Variants in SLC25A31 observed in about 807,000 individuals in gnomAD.
SLC25A31 encodes solute carrier family 25 member 31.
In SLC25A31, 40 loss-of-function variants were observed where a neutral mutation model predicts 36.2. That is an observed-to-expected ratio of 1.10 (90% CI 0.86 to 1.44). The LOEUF is 1.44. Among genes scored for constraint, SLC25A31 ranks in the 40% most tolerant of loss-of-function variants. SLC25A31 has a pLI of 0.00. For synonymous variants in SLC25A31, 143 were observed against 149.7 expected (o/e 0.96, Z 0.32); for missense variants, 350 against 397.1 (o/e 0.88, Z 1.01).
At chr4:127,757,219 C>G (rs1732047588) in intron 2 of SLC25A31, among the ~76,000 whole-genome samples, 1 of 152,184 alleles carries the variant, frequency 6.6e-6, no homozygotes, top group Non-Finnish European at 1.5e-5. Context: ...GTTTGGGCAT[C>G]TGTTGAACCC....
At position 127,730,499 on chromosome 4, in the gene SLC25A31, G is replaced by T. The variant is rs149482591; in HGVS notation, c.-47G>T. On this transcript the variant is annotated 5_prime_UTR_variant, in exon 1 of 6. Coordinates refer to ENST00000281154, the MANE Select transcript of SLC25A31 (RefSeq NM_031291.4). ...TCCGCTTCCCTTCATCGTAGCTCCC[G>T]TACTCATTTTTAGCCACTGCTGCCG... The T allele has an allele frequency of 8.2e-6, 13 of 1,579,592 alleles. No individual in the cohort carries two copies. In the East Asian group the frequency reaches 2.5e-4, roughly 30 times the overall value.
At chr4:127,731,686 A>C (rs1278436001) in intron 1 of SLC25A31, among the ~76,000 whole-genome samples, 4 of 152,194 alleles carry the variant, frequency 2.6e-5, no homozygotes, top group Non-Finnish European at 1.5e-5. Flanking sequence ...CCCTGTCTCA[A>C]AAAAACAAAC....
intron 4 of SLC25A31, among the ~76,000 whole-genome samples, 185 bp downstream of exon 4, chr4:127,767,405 G>C (rs1292449593): frequency 6.6e-6 from 1 of 152,124 alleles, no homozygotes; most frequent in Non-Finnish European, 1.5e-5. Context: ...ACTGCAGTAT[G>C]GATCTGACTT....
chr4:127,765,187 C>T (rs1238697633), intron 3 of SLC25A31, among the ~76,000 whole-genome samples: 1 of 152,152 alleles, frequency 6.6e-6, no homozygotes, highest in African/African-American at 2.4e-5. Context: ...TTTGGCTGCT[C>T]AGGGTGAGGT....
intron 1 of SLC25A31, among the ~76,000 whole-genome samples, chr4:127,743,358 G>C (rs1731767608): frequency 6.6e-6 from 1 of 151,986 alleles, no homozygotes; most frequent in Admixed American, 6.6e-5. Context: ...CTGGTCTTGA[G>C]TTCTTGAGCT....
In SLC25A31 at chr4:127,769,693, A is replaced by G. The variant is rs368919281; in HGVS notation, c.759+816A>G. Among the ~76,000 whole-genome samples the G allele has an allele frequency of 6.6e-5, 10 of 152,220 alleles. No homozygotes were observed. The East Asian group carries it at 9.6e-4, about 15-fold the overall frequency. On this transcript the variant is annotated intron_variant, in intron 5 of 5. Coordinates refer to ENST00000281154, the MANE Select transcript of SLC25A31 (RefSeq NM_031291.4). The stretch of plus-strand genomic sequence containing the variant: ...AGTCTAATATTGAAGACAGCAGTTA[A>G]TGGTTTAAATACAAATGTGTGTAGG...
Position 127,773,621 on chromosome 4 carries a change from A to G in SLC25A31, c.*47A>G. On this transcript the variant is annotated 3_prime_UTR_variant, in exon 6 of 6. Coordinates refer to ENST00000281154, the MANE Select transcript of SLC25A31 (RefSeq NM_031291.4). ...TACATGGATTTAACTTGTTAAACAT[A>G]CAAATTACATAGCTGCCATTTGCAT... 1 of 1,420,684 alleles carries G rather than the reference A, an allele frequency of 7.0e-7. No homozygotes were observed. Among genetic ancestry groups the G allele is most frequent in the Non-Finnish European group, 9.4e-7 (1 of 1,062,088 alleles). 88.0% of individuals were successfully genotyped at this position (1,420,684 alleles called of 1,614,324 possible). A position where few individuals can be genotyped will look rare whatever the true frequency, so the allele number is the denominator to read the frequency against.
At chr4:127,760,765 C>T (rs1221540931) in intron 2 of SLC25A31, among the ~76,000 whole-genome samples, 1 of 152,182 alleles carries the variant, frequency 6.6e-6, no homozygotes, top group Non-Finnish European at 1.5e-5. Context: ...GTAGGCCAGG[C>T]ATGGTGGCTC....
At chr4:127,732,692 C>T (rs1372167704) in intron 1 of SLC25A31, among the ~76,000 whole-genome samples, 3 of 152,068 alleles carry the variant, frequency 2.0e-5, no homozygotes, top group Non-Finnish European at 1.5e-5. Flanking sequence ...TATCCTGGTC[C>T]TTGCTTTAAG....
intron 2 of SLC25A31, among the ~76,000 whole-genome samples, chr4:127,757,597 T>C (rs756445210): frequency 6.6e-6 from 1 of 152,210 alleles, no homozygotes; most frequent in Admixed American, 6.5e-5. Context: ...AAGATAAACA[T>C]ACAAGTTCAG....
intron 1 of SLC25A31, 37 bp downstream of exon 1, chr4:127,730,814 G>C: frequency 6.4e-7 from 1 of 1,567,806 alleles, no homozygotes; most frequent in Non-Finnish European, 8.7e-7. Context: ...GCCTCTCCCG[G>C]CGCCCTCGTC....
At chr4:127,770,094 G>A (rs1483759363) in intron 5 of SLC25A31, among the ~76,000 whole-genome samples, 1 of 152,144 alleles carries the variant, frequency 6.6e-6, no homozygotes, top group African/African-American at 2.4e-5. Context: ...TAGGCAATCT[G>A]GCAGATTAAA....
intron 2 of SLC25A31, among the ~76,000 whole-genome samples, chr4:127,753,235 A>G (rs920342049): frequency 6.6e-6 from 1 of 152,162 alleles, no homozygotes; most frequent in Non-Finnish European, 1.5e-5. Flanking sequence ...ATAGCAACAG[A>G]AGAAAGACCT....
At chr4:127,753,553 T>G (rs1252673248) in intron 2 of SLC25A31, among the ~76,000 whole-genome samples, 3 of 152,100 alleles carry the variant, frequency 2.0e-5, no homozygotes, top group African/African-American at 7.2e-5. Context: ...TTATGAAAAT[T>G]TATATGCCAA....
intron 2 of SLC25A31, among the ~76,000 whole-genome samples, chr4:127,761,010 ATAT>A: frequency 6.6e-6 from 1 of 152,122 alleles, no homozygotes; most frequent in African/African-American, 2.4e-5. Context: ...ACTTATACTT[ATAT>A]ACATACTACC....
At position 127,744,657 on chromosome 4, in the gene SLC25A31, T is replaced by A. The variant is rs563493435; in HGVS notation, c.233-15T>A. On this transcript the variant is annotated splice_polypyrimidine_tract_variant and intron_variant, in intron 1 of 5. Coordinates refer to ENST00000281154, the MANE Select transcript of SLC25A31 (RefSeq NM_031291.4). The stretch of plus-strand genomic sequence containing the variant: ...TACAATGTAGGTTTATGTATTTATA[T>A]GTTTCCCTCTGTAGGTTTCTTCAGT... The A allele has an allele frequency of 4.6e-5, 73 of 1,581,842 alleles. No homozygotes were observed. In the South Asian group the frequency reaches 7.7e-4, roughly 17 times the overall value.
chr4:127,756,238 A>G (rs1409701420), intron 2 of SLC25A31, among the ~76,000 whole-genome samples: 1 of 152,222 alleles, frequency 6.6e-6, no homozygotes, highest in East Asian at 1.9e-4. Flanking sequence ...GTGTGTATTC[A>G]GTGGAATATT....
chr4:127,754,255 C>T (rs1731989299), intron 2 of SLC25A31, among the ~76,000 whole-genome samples: 1 of 152,078 alleles, frequency 6.6e-6, no homozygotes. Context: ...ACACTCACCA[C>T]TTCTATTCAA....
Position 127,730,759 on chromosome 4 carries a change from C to T in SLC25A31, c.214C>T (p.Arg72Trp), listed in dbSNP as rs201791711. The change falls in exon 1 of 6, where the codon CGG (arginine) becomes TGG (tryptophan). Residue 72 changes from arginine (R) to tryptophan (W), a missense_variant. Physicochemically the swap from Arg to Trp is moderately radical, Grantham distance 101. Coordinates refer to ENST00000281154, the MANE Select transcript of SLC25A31 (RefSeq NM_031291.4). The part of the protein sequence containing the change: ...RYKGMVDCLV[R>W]IPREQGFFSF... The stretch of plus-strand genomic sequence containing the variant: ...CAAAGGCATGGTGGACTGCCTGGTG[C>T]GGATTCCTCGCGAGCAGGGTGCGTC... The T allele has an allele frequency of 1.9e-6, 3 of 1,611,174 alleles. No homozygotes were observed. Among genetic ancestry groups the T allele is most frequent in the East Asian group, 4.5e-5 (2 of 44,790 alleles).
Sources: allele counts gnomAD v4.1 joint callset (sites outside exome capture counted in the v4.1 genomes callset), GRCh38; gene constraint gnomAD v4.1.1; transcripts MANE v1.5; gene names NCBI Gene and HGNC (gene_info 2026-07-23, HGNC 2026-07-21).